CNTNAP2: variants seen among roughly 807,000 people sequenced by gnomAD.
CNTNAP2 encodes contactin-associated protein-like 2.
A neutral mutation model predicts 155.2 loss-of-function variants in CNTNAP2; 98 were observed. The ratio of observed to expected loss-of-function variants is 0.63; its 90% CI spans 0.54 to 0.75. CNTNAP2 has a LOEUF of 0.75. Ranked by LOEUF, CNTNAP2 falls within the 30% of genes least tolerant of loss-of-function variation. The probability of loss-of-function intolerance (pLI) is 0.00; values close to 1 mark genes in which losing one functional copy is unlikely to be tolerated. For synonymous variants in CNTNAP2, 651 were observed against 631.2 expected (o/e 1.03, Z -0.47); for missense variants, 1,727 against 1,688.1 (o/e 1.02, Z -0.40).
chr7:147,821,766 T>G (rs1026708194), intron 13 of CNTNAP2, among the ~76,000 whole-genome samples: 2 of 152,018 alleles, frequency 1.3e-5, no homozygotes, highest in Admixed American at 1.3e-4. Context: ...AGAATAAAAT[T>G]GCGGCGACAG....
At chr7:147,384,131 T>C (rs1439737797) in intron 9 of CNTNAP2, among the ~76,000 whole-genome samples, 1 of 152,140 alleles carries the variant, frequency 6.6e-6, no homozygotes, top group Admixed American at 6.5e-5. Flanking sequence ...CTGAGATGCA[T>C]AGAGAAGAGT....
chr7:146,415,522 A>G (rs1795926193), intron 1 of CNTNAP2, among the ~76,000 whole-genome samples: 1 of 152,174 alleles, frequency 6.6e-6, no homozygotes, highest in Non-Finnish European at 1.5e-5. Flanking sequence ...AATTAAGTGT[A>G]ATGCTTAATG....
In CNTNAP2 at chr7:147,165,795, T is replaced by C. The variant is rs1207138993; in HGVS notation, c.1348+33286T>C. On this transcript the variant is annotated intron_variant, in intron 8 of 23. Coordinates refer to ENST00000361727, the MANE Select transcript of CNTNAP2 (RefSeq NM_014141.6). ...TCAGTTGGCTTTAAGCATTTGGGTTTATTTCTGAGTTCTCTGTTTTGTTCC... is the reference window on the plus strand; with the variant it reads ...TCAGTTGGCTTTAAGCATTTGGGTTCATTTCTGAGTTCTCTGTTTTGTTCC... Among the ~76,000 whole-genome samples, 2 of 152,314 alleles carry C rather than the reference T, an allele frequency of 1.3e-5. 1 individual carries two copies. Among genetic ancestry groups the C allele is most frequent in the African/African-American group, 4.8e-5 (2 of 41,586 alleles).
At chr7:146,509,980 C>T (rs746196190) in intron 1 of CNTNAP2, among the ~76,000 whole-genome samples, 4 of 152,084 alleles carry the variant, frequency 2.6e-5, no homozygotes, top group East Asian at 1.9e-4. Context: ...TGGGGCCACA[C>T]GGCTGACCTA....
At chr7:147,075,014 T>A (rs1799968271) in intron 4 of CNTNAP2, among the ~76,000 whole-genome samples, 2 of 152,160 alleles carry the variant, frequency 1.3e-5, no homozygotes, top group Admixed American at 1.3e-4. Context: ...CTGGTCCATT[T>A]TAGGAAGTTG....
chr7:147,059,410 G>C (rs1018548934), intron 4 of CNTNAP2, among the ~76,000 whole-genome samples: 1 of 149,290 alleles, frequency 6.7e-6, no homozygotes, highest in African/African-American at 2.5e-5. Context: ...CAAAACTGGG[G>C]AGGGGGTTAT....
chr7:148,031,293 C>T (rs1802472238), intron 15 of CNTNAP2, among the ~76,000 whole-genome samples: 1 of 152,086 alleles, frequency 6.6e-6, no homozygotes, highest in Admixed American at 6.5e-5. Flanking sequence ...TTTACAATTG[C>T]AAGTTTTCTA....
chr7:148,080,633 A>G (rs1031502133), intron 15 of CNTNAP2, among the ~76,000 whole-genome samples: 8 of 151,890 alleles, frequency 5.3e-5, no homozygotes, highest in Middle Eastern at 3.2e-3. Flanking sequence ...AGAAAAGAAA[A>G]GAAAACTGAT....
At chr7:147,380,591 T>C (rs575872344) in intron 9 of CNTNAP2, among the ~76,000 whole-genome samples, 88 of 151,870 alleles carry the variant, frequency 5.8e-4, no homozygotes, top group Admixed American at 5.1e-3. Context: ...GGCAGAAAAA[T>C]GTTAAGGTGA....
chr7:146,374,732 T>C (rs571419297), intron 1 of CNTNAP2, among the ~76,000 whole-genome samples: 12 of 152,206 alleles, frequency 7.9e-5, no homozygotes. Context: ...TCTTTTAAAA[T>C]CTATTTGTGA....
chr7:146,994,566 A>G (rs1798272750), intron 3 of CNTNAP2, among the ~76,000 whole-genome samples: 1 of 152,076 alleles, frequency 6.6e-6, no homozygotes, highest in Non-Finnish European at 1.5e-5. Context: ...GACTCACATA[A>G]AGCAATTTGG....
Position 148,084,392 on chromosome 7 carries a change from C to T in CNTNAP2, c.2384-33726C>T, listed in dbSNP as rs75498152. On this transcript the variant is annotated intron_variant, in intron 15 of 23. Transcript: ENST00000361727. ...TGGCAGCAAAACAGTAGAGGCTTGG[C>T]TCTCTGCCCCGGGACTGTGCAGAAT... Among the ~76,000 whole-genome samples, 3,505 of 152,324 alleles carry T rather than the reference C, an allele frequency of 0.023. 274 individuals are homozygous for T. In the East Asian group the frequency reaches 0.28, roughly 12 times the overall value.
intron 1 of CNTNAP2, among the ~76,000 whole-genome samples, chr7:146,457,603 A>G (rs538311312): frequency 5.5e-5 from 8 of 145,492 alleles, no homozygotes; most frequent in African/African-American, 2.1e-4. Context: ...TCCCAGGTTG[A>G]AGAGATTCTC....
intron 17 of CNTNAP2, among the ~76,000 whole-genome samples, chr7:148,149,764 C>G (rs1012030199): frequency 1.3e-5 from 2 of 151,972 alleles, no homozygotes; most frequent in African/African-American, 4.8e-5. Flanking sequence ...GTTGGCCAGG[C>G]TGGTCTCAAA....
intron 1 of CNTNAP2, among the ~76,000 whole-genome samples, chr7:146,513,628 G>A (rs1797499666): frequency 6.6e-6 from 1 of 151,686 alleles, no homozygotes; most frequent in South Asian, 2.1e-4. Context: ...GTCTCAGTTT[G>A]GATCTTTTTA....
At chr7:146,929,295 C>T (rs988186009) in intron 3 of CNTNAP2, among the ~76,000 whole-genome samples, 1 of 152,180 alleles carries the variant, frequency 6.6e-6, no homozygotes, top group Non-Finnish European at 1.5e-5. Flanking sequence ...ATCCTCTGCT[C>T]TGCAGCCACC....
chr7:146,750,209 G>A (rs1801879986), intron 1 of CNTNAP2, among the ~76,000 whole-genome samples: 2 of 152,026 alleles, frequency 1.3e-5, no homozygotes, highest in Non-Finnish European at 1.5e-5. Context: ...TGCTGATATT[G>A]CTTGATCATA....
At chr7:146,468,250 A>G (rs1434692943) in intron 1 of CNTNAP2, among the ~76,000 whole-genome samples, 2 of 152,222 alleles carry the variant, frequency 1.3e-5, no homozygotes, top group Non-Finnish European at 2.9e-5. Context: ...CATCATGGAC[A>G]TAAAGATGGA....
intron 13 of CNTNAP2, among the ~76,000 whole-genome samples, chr7:147,848,795 G>C (rs1269594478): frequency 6.6e-6 from 1 of 151,536 alleles, no homozygotes; most frequent in Non-Finnish European, 1.5e-5. Context: ...AAATACCATA[G>C]AACAAAAATT....
Sources: gnomAD v4.1 joint callset for allele counts (sites outside exome capture counted in the v4.1 genomes callset) on GRCh38, gnomAD v4.1.1 for gene constraint, MANE v1.5 for transcripts, NCBI Gene and HGNC (gene_info 2026-07-23, HGNC 2026-07-21) for gene names.